The following ELAPOR2 variants were observed in gnomAD, a reference collection of about 807,000 sequenced individuals.
ELAPOR2 encodes endosome-lysosome associated apoptosis and autophagy regulator family member 2, also known as endosome/lysosome-associated apoptosis and autophagy regulator family member 2.
ELAPOR2 carries 89 observed loss-of-function variants against 120.7 expected under a neutral mutation model. The ratio of observed to expected loss-of-function variants is 0.74; its 90% CI spans 0.62 to 0.88. The LOEUF is 0.88. Among genes scored for constraint, ELAPOR2 ranks in the 40% least tolerant of loss-of-function variants. ELAPOR2 has a pLI of 0.00. For synonymous variants in ELAPOR2, 444 were observed against 444.9 expected (o/e 1.00, Z 0.03); for missense variants, 1,134 against 1,251.6 (o/e 0.91, Z 1.42).
intron 2 of ELAPOR2, among the ~76,000 whole-genome samples, chr7:86,953,543 A>G (rs1452874050): frequency 6.6e-6 from 1 of 152,172 alleles, no homozygotes; most frequent in Non-Finnish European, 1.5e-5. Flanking sequence ...AGGTTTTTTA[A>G]TAATCTTAAA....
rs765276362 is a variant in ELAPOR2, at chr7:86,925,628, C to T, written c.1299G>A (p.Glu433=). The change falls in exon 10 of 22, where the codon GAG becomes GAA. Residue 433 remains glutamate, a synonymous_variant. Transcript: ENST00000450689. The stretch of plus-strand genomic sequence containing the variant: ...ATTTATATTCAAAGCCAAGTGCAGG[C>T]TCCGTTCCTGCTGGACATGGTCTAC... The part of the protein sequence containing the change: ...KECRPCPAGT[E]PALGFEYKWW... 3.7e-6 allele frequency: 6 copies of T among 1,611,700 alleles called. No individual in the cohort carries two copies. The highest frequency in any genetic ancestry group is 3.4e-6 in the Non-Finnish European group (4 of 1,178,466).
intron 9 of ELAPOR2, 85 bp downstream of exon 9, chr7:86,926,651 A>G (rs1248555640): frequency 3.8e-6 from 5 of 1,332,920 alleles, no homozygotes; most frequent in East Asian, 2.4e-5. Context: ...ACCACTTTCC[A>G]TAAAAACAAT....
chr7:86,941,982 A>G, intron 5 of ELAPOR2, 36 bp downstream of exon 5: 1 of 1,310,662 alleles, frequency 7.6e-7, no homozygotes, highest in Non-Finnish European at 1.1e-6. Context: ...AAGAAGGAAA[A>G]ATTGGCAAAG....
At chr7:86,920,201 C>G (rs1412841800) in intron 10 of ELAPOR2, among the ~76,000 whole-genome samples, 1 of 152,126 alleles carries the variant, frequency 6.6e-6, no homozygotes, top group Non-Finnish European at 1.5e-5. Context: ...GACTATACAT[C>G]AGTCAAGCTA....
chr7:86,955,441 T>C (rs1025572256), intron 2 of ELAPOR2, among the ~76,000 whole-genome samples: 4 of 152,030 alleles, frequency 2.6e-5, no homozygotes, highest in African/African-American at 7.2e-5. Context: ...AAGGCAACAA[T>C]GAAAGCTGGT....
At chr7:86,984,812 A>C (rs1410494754) in intron 1 of ELAPOR2, among the ~76,000 whole-genome samples, 2 of 152,246 alleles carry the variant, frequency 1.3e-5, no homozygotes, top group African/African-American at 4.8e-5. Flanking sequence ...AAAAGCTAGC[A>C]AAAGGCAAGA....
intron 18 of ELAPOR2, among the ~76,000 whole-genome samples, chr7:86,906,756 C>T (rs1584332611): frequency 6.6e-6 from 1 of 152,154 alleles, no homozygotes; most frequent in Admixed American, 6.5e-5. Context: ...TGGCTGGGTG[C>T]AATGGGTCAC....
intron 21 of ELAPOR2, 82 bp from the exon 22 acceptor site, chr7:86,880,612 T>C (rs1799356159): frequency 4.5e-6 from 4 of 884,682 alleles, no homozygotes; most frequent in Non-Finnish European, 7.3e-6. Context: ...GAAGGAAAGT[T>C]CCAGAAATCA....
intron 1 of ELAPOR2, among the ~76,000 whole-genome samples, chr7:87,025,027 A>G (rs1584009525): frequency 6.6e-6 from 1 of 151,496 alleles, no homozygotes. Context: ...GATGTAATTT[A>G]TAAGATTATG....
intron 2 of ELAPOR2, among the ~76,000 whole-genome samples, chr7:86,963,888 C>A (rs1440604134): frequency 6.6e-6 from 1 of 152,196 alleles, no homozygotes; most frequent in Non-Finnish European, 1.5e-5. Context: ...ACTTGAGGGG[C>A]TCTCAGGTTC....
chr7:86,918,783 T>C (rs1789688542), intron 11 of ELAPOR2, among the ~76,000 whole-genome samples: 1 of 152,042 alleles, frequency 6.6e-6, no homozygotes, highest in Non-Finnish European at 1.5e-5. Context: ...ATACCATCCA[T>C]CCTAAAGGAA....
At chr7:86,987,437 A>C (rs1792787225) in intron 1 of ELAPOR2, among the ~76,000 whole-genome samples, 1 of 152,200 alleles carries the variant, frequency 6.6e-6, no homozygotes, top group Non-Finnish European at 1.5e-5. Flanking sequence ...AAATTTTTGC[A>C]ATCTACCCAT....
chr7:86,917,701 T>C (rs1789629657), intron 12 of ELAPOR2, among the ~76,000 whole-genome samples: 1 of 152,274 alleles, frequency 6.6e-6, no homozygotes, highest in Admixed American at 6.5e-5. Flanking sequence ...TCTGCCTTCA[T>C]TTAAGCTATC....
chr7:86,960,843 G>T (rs940711962), intron 2 of ELAPOR2, among the ~76,000 whole-genome samples: 1 of 151,536 alleles, frequency 6.6e-6, no homozygotes, highest in Non-Finnish European at 1.5e-5. Flanking sequence ...ATTTCTTAAC[G>T]TCCATTAAAT....
intron 18 of ELAPOR2, among the ~76,000 whole-genome samples, chr7:86,901,005 T>C (rs1042701133): frequency 6.6e-6 from 1 of 152,230 alleles, no homozygotes; most frequent in Non-Finnish European, 1.5e-5. Context: ...AAAGCTGGAA[T>C]GCAGAGGTAT....
chr7:86,891,671 T>C, intron 21 of ELAPOR2, 53 bp downstream of exon 21: 1 of 1,467,414 alleles, frequency 6.8e-7, no homozygotes, highest in Non-Finnish European at 9.3e-7. Context: ...TAGGTTAATA[T>C]GCCCTCTACT....
intron 1 of ELAPOR2, among the ~76,000 whole-genome samples, chr7:86,971,051 T>C (rs565447469): frequency 9.8e-5 from 15 of 152,302 alleles, no homozygotes; most frequent in African/African-American, 3.4e-4. Context: ...ACATAAGGTT[T>C]CTTTCTTAGA....
At position 87,041,572 on chromosome 7, in the gene ELAPOR2, G is replaced by A. The variant is rs569289909; in HGVS notation, c.189+17753C>T. 2.0e-5 allele frequency among the ~76,000 whole-genome samples: 3 copies of A among 152,092 alleles called. No individual in the cohort carries two copies. The East Asian group carries it at 5.8e-4, about 29-fold the overall frequency. ...AGACAAGCAAATGCTGAGAGATTTT[G>A]TAACCACCAGGCCTGCCCTAAAAGA... is the stretch of plus-strand genomic sequence containing the variant. On this transcript the variant is annotated intron_variant, in intron 1 of 21. Coordinates refer to ENST00000450689, the MANE Select transcript of ELAPOR2 (RefSeq NM_001142749.3).
chr7:86,905,170 AAGAAAGAG>A (rs1156476622), intron 18 of ELAPOR2, among the ~76,000 whole-genome samples: 4 of 149,790 alleles, frequency 2.7e-5, no homozygotes, highest in African/African-American at 9.9e-5. Context: ...GAGAGAAAGA[AAGAAAGAG>A]AGAAAGAGAG....
Sources: gnomAD v4.1 joint callset for allele counts (sites outside exome capture counted in the v4.1 genomes callset) on GRCh38, gnomAD v4.1.1 for gene constraint, MANE v1.5 for transcripts, NCBI Gene and HGNC (gene_info 2026-07-23, HGNC 2026-07-21) for gene names.